The following LPP variants were observed in gnomAD, a reference collection of about 807,000 sequenced individuals.
LPP encodes LIM domain containing preferred translocation partner in lipoma, also known as lipoma-preferred partner.
LPP carries 38 observed loss-of-function variants against 60.4 expected under a neutral mutation model. That is an observed-to-expected ratio of 0.63 (90% CI 0.49 to 0.83). The LOEUF (loss-of-function observed/expected upper bound fraction) is 0.83. Ranked by LOEUF, LPP falls within the 40% of genes least tolerant of loss-of-function variation. The pLI is 0.00. For synonymous variants in LPP, 328 were observed against 290.8 expected (o/e 1.13, Z -1.30); for missense variants, 902 against 783.6 (o/e 1.15, Z -1.80).
At chr3:188,346,394 G>A (rs370196498) in intron 3 of LPP, among the ~76,000 whole-genome samples, 3 of 150,400 alleles carry the variant, frequency 2.0e-5, no homozygotes, top group African/African-American at 2.4e-5. Context: ...CAAGTAGCTG[G>A]GACTACAGGT....
chr3:188,249,265 C>G (rs1044168665), intron 2 of LPP, among the ~76,000 whole-genome samples: 3 of 152,056 alleles, frequency 2.0e-5, no homozygotes, highest in Non-Finnish European at 2.9e-5. Flanking sequence ...GGCATGGTGA[C>G]TCATGCCTAT....
intron 9 of LPP, among the ~76,000 whole-genome samples, chr3:188,811,235 C>T (rs1750849110): frequency 1.3e-5 from 2 of 151,964 alleles, no homozygotes; most frequent in African/African-American, 4.8e-5. Flanking sequence ...TAGATATTCA[C>T]ATCCCCAAGC....
At chr3:188,155,857 TACAA>T (rs1716189532) in intron 1 of LPP, among the ~76,000 whole-genome samples, 1 of 151,876 alleles carries the variant, frequency 6.6e-6, no homozygotes, top group African/African-American at 2.4e-5. Flanking sequence ...CTACTAAAAA[TACAA>T]AAAATTAGCT....
At chr3:188,600,674 G>A (rs1840964369) in intron 6 of LPP, among the ~76,000 whole-genome samples, 1 of 152,038 alleles carries the variant, frequency 6.6e-6, no homozygotes, top group African/African-American at 2.4e-5. Flanking sequence ...AAACTGAAAT[G>A]ACATATCCAT....
At chr3:188,471,416 C>A (rs996899157) in intron 4 of LPP, among the ~76,000 whole-genome samples, 2 of 152,126 alleles carry the variant, frequency 1.3e-5, no homozygotes, top group African/African-American at 4.8e-5. Context: ...GGTAACTATG[C>A]ATTAGGTATT....
At chr3:188,695,269 A>G (rs1231067161) in intron 7 of LPP, among the ~76,000 whole-genome samples, 1 of 152,214 alleles carries the variant, frequency 6.6e-6, no homozygotes, top group Admixed American at 6.5e-5. Context: ...AATGGATAAA[A>G]GATTCCTTCA....
chr3:188,638,309 C>T (rs1270232068), intron 7 of LPP, among the ~76,000 whole-genome samples: 1 of 134,930 alleles, frequency 7.4e-6, no homozygotes, highest in Non-Finnish European at 1.6e-5. Flanking sequence ...TGACAAAATT[C>T]AACAGCCCTT....
At chr3:188,760,841 T>C (rs552574359) in intron 9 of LPP, among the ~76,000 whole-genome samples, 1 of 152,286 alleles carries the variant, frequency 6.6e-6, no homozygotes, top group East Asian at 1.9e-4. Flanking sequence ...TAAAGCACCT[T>C]AAAGAGAAAT....
chr3:188,499,887 T>C (rs1283612509), intron 5 of LPP, among the ~76,000 whole-genome samples: 1 of 152,196 alleles, frequency 6.6e-6, no homozygotes, highest in African/African-American at 2.4e-5. Flanking sequence ...GTATATGGAA[T>C]GATTTGCTTA....
chr3:188,615,277 A>T (rs1386901140), intron 7 of LPP, among the ~76,000 whole-genome samples: 6 of 152,208 alleles, frequency 3.9e-5, no homozygotes, highest in Admixed American at 3.9e-4. Context: ...GGCTTTGCTC[A>T]CCAAGTTCCT....
intron 2 of LPP, among the ~76,000 whole-genome samples, chr3:188,290,847 T>C (rs1018851469): frequency 6.6e-6 from 1 of 152,162 alleles, no homozygotes; most frequent in Admixed American, 6.5e-5. Context: ...TGCTGGTTGG[T>C]ATTTTTTCTG....
intron 6 of LPP, among the ~76,000 whole-genome samples, chr3:188,549,012 G>T (rs1827369501): frequency 6.6e-6 from 1 of 152,144 alleles, no homozygotes; most frequent in South Asian, 2.1e-4. Flanking sequence ...CTAGAAGGCA[G>T]ATAGTTAATG....
chr3:188,348,858 C>T (rs1329586494), intron 3 of LPP, among the ~76,000 whole-genome samples: 1 of 151,880 alleles, frequency 6.6e-6, no homozygotes, highest in Non-Finnish European at 1.5e-5. Context: ...TTGGGGCATG[C>T]TGTACCATGC....
At chr3:188,604,080 A>G (rs1275574334) in intron 6 of LPP, among the ~76,000 whole-genome samples, 1 of 152,098 alleles carries the variant, frequency 6.6e-6, no homozygotes, top group Non-Finnish European at 1.5e-5. Context: ...AAAATTTTCT[A>G]AGTAGAAATC....
chr3:188,163,065 T>C (rs762811285), intron 1 of LPP, among the ~76,000 whole-genome samples: 6 of 152,236 alleles, frequency 3.9e-5, no homozygotes, highest in Non-Finnish European at 8.8e-5. Context: ...TTGTCACCAG[T>C]GGATGGCTGT....
At chr3:188,579,623 C>CT (rs1397452450) in intron 6 of LPP, among the ~76,000 whole-genome samples, 2 of 148,056 alleles carry the variant, frequency 1.4e-5, no homozygotes, top group Admixed American at 1.4e-4. Context: ...AACTGAATAT[C>CT]TAACTTTATT....
At position 188,484,632 on chromosome 3, in the gene LPP, C is replaced by T; in HGVS notation, c.234C>T (p.Ser78=). The T allele has an allele frequency of 6.2e-7, 1 of 1,614,000 alleles. No individual in the cohort carries two copies. The highest frequency in any genetic ancestry group is 2.2e-5 in the East Asian group (1 of 44,870). ...CCCCACCTCCACCTCTAGATGATTC[C>T]AGTGCCCTTCCATCTATCTCTGGAA... The part of the protein sequence containing the change: ...LPPPPPPLDD[S]SALPSISGNF... Residue 78 remains serine (S), a synonymous_variant, in exon 5 of 12, where the codon TCC becomes TCT. Transcript: ENST00000617246.
chr3:188,717,113 A>G (rs1004125812), intron 8 of LPP, among the ~76,000 whole-genome samples: 1 of 152,218 alleles, frequency 6.6e-6, no homozygotes, highest in African/African-American at 2.4e-5. Context: ...AGGGCTCTCC[A>G]CTACCCTCAC....
At chr3:188,216,914 C>A (rs1444275507) in intron 1 of LPP, among the ~76,000 whole-genome samples, 1 of 152,228 alleles carries the variant, frequency 6.6e-6, no homozygotes, top group African/African-American at 2.4e-5. Context: ...TACAATCTGT[C>A]AGGCTTCTTC....
Sources: allele counts gnomAD v4.1 joint callset (sites outside exome capture counted in the v4.1 genomes callset), GRCh38; gene constraint gnomAD v4.1.1; transcripts MANE v1.5; gene names NCBI Gene and HGNC (gene_info 2026-07-23, HGNC 2026-07-21).